VPS37C: variants seen among roughly 807,000 people sequenced by gnomAD.
The protein encoded by VPS37C is VPS37C subunit of ESCRT-I, also known as vacuolar protein sorting-associated protein 37C.
A neutral mutation model predicts 16.1 loss-of-function variants in VPS37C; 9 were observed. The ratio of observed to expected loss-of-function variants is 0.56; its 90% CI spans 0.34 to 0.97. The LOEUF (loss-of-function observed/expected upper bound fraction) is 0.97. Among genes scored for constraint, VPS37C ranks in the 50% least tolerant of loss-of-function variants. VPS37C has a pLI of 0.02. For missense variants in VPS37C, 479 were observed against 472.7 expected (o/e 1.01, Z -0.12); for synonymous variants, 207 against 206.4 (o/e 1.00, Z -0.02).
rs751202506 is a variant in VPS37C at position 61,132,349 on chromosome 11, C to T, written c.539G>A (p.Arg180His). 3.8e-6 allele frequency: 6 copies of T among 1,598,322 alleles called. No individual in the cohort carries two copies. Among genetic ancestry groups the T allele is most frequent in the East Asian group, 2.3e-5 (1 of 44,208 alleles). Residue 180 changes from arginine to histidine, a missense_variant, in exon 5 of 5, where the codon CGC becomes CAC. By Grantham distance (29) the Arg-to-His change is conservative. Transcript: ENST00000301765. Reference sequence around the variant, plus strand: ...AGGGGGTGTTCCCTGGGGGACTGGGCGCACCGGGGGTGGTGGACGGGGTGG... The same window carrying T: ...AGGGGGTGTTCCCTGGGGGACTGGGTGCACCGGGGGTGGTGGACGGGGTGG... ...APPPRPPPPV[R>H]PVPQGTPPVV...
At chr11:61,139,616 C>A (rs1274307781) in intron 1 of VPS37C, among the ~76,000 whole-genome samples, 1 of 152,120 alleles carries the variant, frequency 6.6e-6, no homozygotes, top group African/African-American at 2.4e-5. Context: ...CACAGCCAGG[C>A]CCAGGAGGGA....
Position 61,130,269 on chromosome 11 carries a change from A to G in VPS37C, c.*1551T>C, listed in dbSNP as rs1418004837. The G allele has an allele frequency of 1.3e-5, 2 of 152,836 alleles. No homozygotes were observed. Among genetic ancestry groups the G allele is most frequent in the Non-Finnish European group, 2.9e-5 (2 of 68,472 alleles). The allele number at this position is 152,836 out of a possible 1,614,324, so 9.5% of individuals were successfully genotyped here. A position where few individuals can be genotyped will look rare whatever the true frequency, so the allele number is the denominator to read the frequency against. On this transcript the variant is annotated 3_prime_UTR_variant, in exon 5 of 5. Coordinates refer to ENST00000301765, the MANE Select transcript of VPS37C (RefSeq NM_017966.5). ...ACACCACACCACATGTGACTCATCA[A>G]AGTTTATTATGGCAATTAATTACAC... is the stretch of plus-strand genomic sequence containing the variant.
intron 1 of VPS37C, among the ~76,000 whole-genome samples, chr11:61,146,754 G>A (rs1006597064): frequency 6.6e-6 from 1 of 152,234 alleles, no homozygotes; most frequent in Non-Finnish European, 1.5e-5. Context: ...GAGGAACAGT[G>A]CCCCTGGTTC....
chr11:61,159,293 G>T (rs74355431), intron 1 of VPS37C, among the ~76,000 whole-genome samples: 12 of 152,240 alleles, frequency 7.9e-5, no homozygotes, highest in Admixed American at 2.6e-4. Flanking sequence ...TTGCCTTACC[G>T]TAAGAATCAC....
chr11:61,133,966 G>C, intron 3 of VPS37C, 70 bp downstream of exon 3: 1 of 1,536,222 alleles, frequency 6.5e-7, no homozygotes, highest in Non-Finnish European at 8.8e-7. Context: ...CTTAGCACAG[G>C]GCTGGGAACA....
rs1378073069 is a variant in VPS37C, at chr11:61,130,775, G to C, written c.*1045C>G. ...GTGTGAAAAAATTGCCCCTAATGTA[G>C]TGATGGTGTTTTTTAAAAAGCACCA... On this transcript the variant is annotated 3_prime_UTR_variant, in exon 5 of 5. Transcript: ENST00000301765. The C allele has an allele frequency of 1.2e-5, 5 of 431,598 alleles. No homozygotes were observed. Among genetic ancestry groups the C allele is most frequent in the Admixed American group, 2.8e-5 (1 of 36,086 alleles). The allele number at this position is 431,598 out of a possible 1,614,324, so 26.7% of individuals were successfully genotyped here.
chr11:61,133,517 G>T (rs904595317), intron 3 of VPS37C, among the ~76,000 whole-genome samples, 180 bp from the exon 4 acceptor site: 1 of 152,182 alleles, frequency 6.6e-6, no homozygotes. Context: ...GCAGAGAAGG[G>T]CCCGAATGAA....
intron 1 of VPS37C, among the ~76,000 whole-genome samples, chr11:61,141,225 C>T (rs765136498): frequency 4.0e-5 from 6 of 151,890 alleles, no homozygotes; most frequent in African/African-American, 9.7e-5. Flanking sequence ...AAAATTAGCC[C>T]GGCGTGGTGG....
chr11:61,159,271 T>G (rs1477338597), intron 1 of VPS37C, among the ~76,000 whole-genome samples: 1 of 152,232 alleles, frequency 6.6e-6, no homozygotes, highest in Non-Finnish European at 1.5e-5. Flanking sequence ...TTAAAGGCAG[T>G]GTTTCCCAAA....
chr11:61,137,277 G>A lies in VPS37C; in HGVS notation c.93+1460C>T, dbSNP rs536377908. On this transcript the variant is annotated intron_variant, in intron 2 of 4. Coordinates refer to ENST00000301765, the MANE Select transcript of VPS37C (RefSeq NM_017966.5). Reference sequence around the variant, plus strand: ...ACTCAATGACTGTCTTATAGCCCACGATAAAAAAGTTTGCCAATGGTCTGA... The same window carrying A: ...ACTCAATGACTGTCTTATAGCCCACAATAAAAAAGTTTGCCAATGGTCTGA... Among the ~76,000 whole-genome samples the A allele has an allele frequency of 4.6e-5, 7 of 152,198 alleles. No homozygotes were observed. In the South Asian group the frequency reaches 1.5e-3, roughly 32 times the overall value.
At chr11:61,134,798 A>G (rs2134629364) in intron 2 of VPS37C, among the ~76,000 whole-genome samples, 1 of 152,342 alleles carries the variant, frequency 6.6e-6, no homozygotes, top group East Asian at 1.9e-4. Context: ...GAAGCTGCAC[A>G]GATGAGCCAG....
At chr11:61,141,195 C>T (rs749311305) in intron 1 of VPS37C, among the ~76,000 whole-genome samples, 1 of 152,002 alleles carries the variant, frequency 6.6e-6, no homozygotes, top group Non-Finnish European at 1.5e-5. Flanking sequence ...ATGTTGAAAC[C>T]CTGTCTCTAC....
chr11:61,142,825 G>A (rs1331492593), intron 1 of VPS37C, among the ~76,000 whole-genome samples: 8 of 124,128 alleles, frequency 6.4e-5, no homozygotes, highest in African/African-American at 2.1e-4. Flanking sequence ...AGGGGGGGAG[G>A]GGTAGCATTG....
chr11:61,134,039 G>C lies in VPS37C; in HGVS notation c.262C>G (p.Leu88Val), dbSNP rs773674556. 5 of 1,609,904 alleles carry C rather than the reference G, an allele frequency of 3.1e-6. No individual in the cohort carries two copies. Among genetic ancestry groups the C allele is most frequent in the Non-Finnish European group, 3.4e-6 (4 of 1,176,796 alleles). ...GTTCACAGAGGAGCCACCCTACCCA[G>C]CTTTGCCTTCTGCTCCTGGCACCGC... ...VERCQEQKAK[L>V]EKFSSALQPG... The change falls in exon 3 of 5, where the codon CTG becomes GTG. Residue 88 changes from leucine to valine, a missense_variant. Leu to Val is a conservative substitution (Grantham distance 32). Transcript: ENST00000301765.
Position 61,130,833 on chromosome 11 carries a change from C to T in VPS37C, c.*987G>A, listed in dbSNP as rs1861239309. The T allele has an allele frequency of 2.3e-6, 1 of 438,344 alleles. No homozygotes were observed. The highest frequency in any genetic ancestry group is 4.5e-6 in the Non-Finnish European group (1 of 219,928). 27.2% of individuals were successfully genotyped at this position (438,344 alleles called of 1,614,324 possible). On this transcript the variant is annotated 3_prime_UTR_variant, in exon 5 of 5. Coordinates refer to ENST00000301765, the MANE Select transcript of VPS37C (RefSeq NM_017966.5). ...AGTAAAGTTAGGGCCTCTTTTGATG[C>T]CTGTCTTAGGATGGACACTGGGGGT...
At chr11:61,151,076 C>T (rs1228399410) in intron 1 of VPS37C, among the ~76,000 whole-genome samples, 2 of 152,166 alleles carry the variant, frequency 1.3e-5, no homozygotes, top group South Asian at 2.1e-4. Flanking sequence ...AGGGAGGAAA[C>T]GCAGAGCCTG....
intron 4 of VPS37C, 75 bp from the exon 5 acceptor site, chr11:61,132,614 T>C: frequency 6.6e-7 from 1 of 1,513,338 alleles, no homozygotes; most frequent in Non-Finnish European, 8.8e-7. Context: ...GGGTCTGAGT[T>C]CAGCTGCAGC....
chr11:61,153,263 T>A (rs1426304031), intron 1 of VPS37C, among the ~76,000 whole-genome samples: 1 of 152,214 alleles, frequency 6.6e-6, no homozygotes, highest in Non-Finnish European at 1.5e-5. Context: ...TGAGCTATGA[T>A]GGTTTTATAA....
chr11:61,161,123 G>C (rs1853466319), intron 1 of VPS37C: 1 of 152,504 alleles, frequency 6.6e-6, no homozygotes, highest in East Asian at 1.9e-4. Context: ...GGAGGGTGGC[G>C]GTGAGTGGTG....
Sources: gnomAD v4.1 joint callset for allele counts (sites outside exome capture counted in the v4.1 genomes callset) on GRCh38, gnomAD v4.1.1 for gene constraint, MANE v1.5 for transcripts, NCBI Gene and HGNC (gene_info 2026-07-23, HGNC 2026-07-21) for gene names.